Variants in TENM4 observed in about 807,000 individuals in gnomAD.
The protein encoded by TENM4 is teneurin transmembrane protein 4.
TENM4 carries 82 observed loss-of-function variants against 243.3 expected under a neutral mutation model. The ratio of observed to expected loss-of-function variants is 0.34; its 90% CI spans 0.28 to 0.40. The LOEUF (loss-of-function observed/expected upper bound fraction) is 0.40, where lower values mean the gene tolerates loss of function less well. Among genes scored for constraint, TENM4 ranks in the 10% least tolerant of loss-of-function variants. The probability of loss-of-function intolerance (pLI) is 1.00; values close to 1 mark genes in which losing one functional copy is unlikely to be tolerated. For synonymous variants in TENM4, 1,412 were observed against 1,456.3 expected (o/e 0.97, Z 0.69); for missense variants, 3,138 against 3,673.3 (o/e 0.85, Z 3.77).
chr11:79,125,643 C>G (rs1231960463), intron 4 of TENM4, among the ~76,000 whole-genome samples: 1 of 152,146 alleles, frequency 6.6e-6, no homozygotes, highest in Non-Finnish European at 1.5e-5. Context: ...GAAGAAACAG[C>G]TTCCCCATCC....
At chr11:78,740,478 G>C (rs753669868) in intron 19 of TENM4, among the ~76,000 whole-genome samples, 3 of 152,070 alleles carry the variant, frequency 2.0e-5, no homozygotes, top group Non-Finnish European at 4.4e-5. Flanking sequence ...AAGCGGGTGA[G>C]GCTCAGCAAA....
intron 2 of TENM4, among the ~76,000 whole-genome samples, chr11:79,230,506 C>T (rs1281075680): frequency 1.3e-5 from 2 of 152,170 alleles, no homozygotes; most frequent in Non-Finnish European, 2.9e-5. Flanking sequence ...GGAGTGGGGT[C>T]CAGCCTCTGC....
chr11:79,063,866 T>G (rs1860166276), intron 6 of TENM4, among the ~76,000 whole-genome samples: 1 of 152,132 alleles, frequency 6.6e-6, no homozygotes, highest in Non-Finnish European at 1.5e-5. Flanking sequence ...GAATAATGAG[T>G]GTGCAGCTGG....
chr11:79,367,632 G>A (rs1857702204), intron 1 of TENM4, among the ~76,000 whole-genome samples: 1 of 152,284 alleles, frequency 6.6e-6, no homozygotes, highest in East Asian at 1.9e-4. Context: ...GCAATATGAA[G>A]GAGCTTCAGA....
At chr11:79,283,955 T>C (rs1273977903) in intron 2 of TENM4, among the ~76,000 whole-genome samples, 2 of 152,074 alleles carry the variant, frequency 1.3e-5, no homozygotes, top group Admixed American at 1.3e-4. Flanking sequence ...CCATTTATAA[T>C]AGCATCAAAA....
At chr11:78,771,227 T>C (rs1856640951) in intron 17 of TENM4, 89 bp from the exon 18 acceptor site, 2 of 1,483,576 alleles carry the variant, frequency 1.3e-6, no homozygotes, top group Non-Finnish European at 1.8e-6. Flanking sequence ...ACTTGCAAAA[T>C]GCCTTCATAT....
intron 1 of TENM4, among the ~76,000 whole-genome samples, chr11:79,328,399 G>A (rs1857008331): frequency 6.6e-6 from 1 of 152,150 alleles, no homozygotes; most frequent in African/African-American, 2.4e-5. Flanking sequence ...ACCCTCAGAA[G>A]CCTCAGAAAA....
At chr11:79,014,382 T>C (rs760712403) in intron 6 of TENM4, among the ~76,000 whole-genome samples, 13 of 152,204 alleles carry the variant, frequency 8.5e-5, no homozygotes, top group Non-Finnish European at 1.6e-4. Flanking sequence ...CACCGGAACT[T>C]TGGAATCCAT....
chr11:79,415,680 T>G (rs943247804), intron 1 of TENM4, among the ~76,000 whole-genome samples: 1 of 152,220 alleles, frequency 6.6e-6, no homozygotes, highest in African/African-American at 2.4e-5. Context: ...AACTCCAGCA[T>G]GAGGATGTGA....
At chr11:79,372,534 C>T (rs1221139012) in intron 1 of TENM4, among the ~76,000 whole-genome samples, 1 of 152,196 alleles carries the variant, frequency 6.6e-6, no homozygotes, top group Non-Finnish European at 1.5e-5. Flanking sequence ...AAACCAGAAA[C>T]TGATCCTTTG....
intron 2 of TENM4, among the ~76,000 whole-genome samples, chr11:79,258,931 A>T (rs140406222): frequency 1.3e-5 from 2 of 151,964 alleles, no homozygotes; most frequent in South Asian, 2.1e-4. Flanking sequence ...GCTGAGTTCC[A>T]GTCCTGGCCC....
intron 2 of TENM4, among the ~76,000 whole-genome samples, chr11:79,249,970 A>G (rs1590825551): frequency 6.6e-6 from 1 of 152,240 alleles, no homozygotes; most frequent in South Asian, 2.1e-4. Flanking sequence ...CACACTGCCT[A>G]TTTGTGCCCT....
chr11:79,426,656 T>C (rs1590958747), intron 1 of TENM4, among the ~76,000 whole-genome samples: 1 of 151,798 alleles, frequency 6.6e-6, no homozygotes, highest in Non-Finnish European at 1.5e-5. Context: ...AGCTATAAGG[T>C]ATGAAAACAA....
At chr11:78,849,530 A>T (rs1354292177) in intron 12 of TENM4, among the ~76,000 whole-genome samples, 3 of 152,214 alleles carry the variant, frequency 2.0e-5, no homozygotes, top group Non-Finnish European at 4.4e-5. Context: ...TAAATAACAT[A>T]AAAAAGAGAG....
intron 3 of TENM4, among the ~76,000 whole-genome samples, chr11:79,184,231 C>T (rs958351451): frequency 1.2e-4 from 18 of 152,144 alleles, no homozygotes; most frequent in African/African-American, 3.1e-4. Context: ...CAGCCCCCAA[C>T]CTTTTTGGTA....
chr11:78,907,058 C>A (rs1306645189), intron 6 of TENM4, among the ~76,000 whole-genome samples: 1 of 152,080 alleles, frequency 6.6e-6, no homozygotes, highest in Admixed American at 6.5e-5. Context: ...GAGCTAGGCC[C>A]TTTATTTCCC....
At chr11:79,070,985 G>C (rs1025719643) in intron 4 of TENM4, among the ~76,000 whole-genome samples, 30 of 152,194 alleles carry the variant, frequency 2.0e-4, no homozygotes, top group Admixed American at 6.5e-4. Flanking sequence ...CACAGTGTCT[G>C]CCCCATCCAT....
At chr11:78,848,098 TG>T (rs59772328) in intron 12 of TENM4, among the ~76,000 whole-genome samples, 70,031 of 150,462 alleles carry the variant, frequency 0.47, 17,208 homozygotes, top group African/African-American at 0.59. Flanking sequence ...AAAACACCAC[TG>T]AACATCATTG....
At chr11:79,153,041 AG>A (rs1411415552) in intron 3 of TENM4, among the ~76,000 whole-genome samples, 1 of 152,152 alleles carries the variant, frequency 6.6e-6, no homozygotes, top group African/African-American at 2.4e-5. Flanking sequence ...CTGCGGGGAA[AG>A]TTTGTTGTGA....
Sources: gnomAD v4.1 joint callset for allele counts (sites outside exome capture counted in the v4.1 genomes callset) on GRCh38, gnomAD v4.1.1 for gene constraint, MANE v1.5 for transcripts, NCBI Gene and HGNC (gene_info 2026-07-23, HGNC 2026-07-21) for gene names.